The following VCPIP1 variants were observed in gnomAD, a reference collection of about 807,000 sequenced individuals.
VCPIP1 encodes the protein deubiquitinating protein VCPIP1.
A neutral mutation model predicts 85.0 loss-of-function variants in VCPIP1; 8 were observed. The observed-to-expected ratio is 0.09, with a 90% CI of 0.06 to 0.17. The LOEUF is 0.17. VCPIP1 is among the 10% of genes least tolerant of loss of function. The pLI is 1.00. For missense variants in VCPIP1, 1,070 were observed against 1,486.3 expected (o/e 0.72, Z 4.61); for synonymous variants, 543 against 544.5 (o/e 1.00, Z 0.04).
intron 2 of VCPIP1, among the ~76,000 whole-genome samples, chr8:66,643,884 CAAAAAAA>C (rs35921029): frequency 1.4e-5 from 1 of 70,512 alleles, no homozygotes; most frequent in East Asian, 5.4e-4. Context: ...AATGGACAGC[CAAAAAAA>C]AAAAAAAAAA....
intron 2 of VCPIP1, among the ~76,000 whole-genome samples, chr8:66,647,757 A>G (rs1811010847): frequency 6.6e-6 from 1 of 152,164 alleles, no homozygotes; most frequent in Admixed American, 6.5e-5. Flanking sequence ...TGCTGGAACA[A>G]CTGGTCATCC....
intron 2 of VCPIP1, among the ~76,000 whole-genome samples, chr8:66,647,256 G>A (rs1368751548): frequency 1.3e-5 from 2 of 149,652 alleles, no homozygotes; most frequent in African/African-American, 4.9e-5. Context: ...CAGGAGAATG[G>A]CTTGAATCTG....
chr8:66,665,765 A>G lies in VCPIP1; in HGVS notation c.1194T>C (p.Val398=). 1 of 1,614,172 alleles carries G rather than the reference A, an allele frequency of 6.2e-7. No individual in the cohort carries two copies. The stretch of plus-strand genomic sequence containing the variant: ...CTTGCAAACTTCTGTCACCTCCAAT[A>G]ACACAACCACCATCCTCTTCAAGTT... ...YIKLEEDGGC[V]IGGDRSLQDK... Residue 398 remains valine, a synonymous_variant, in exon 1 of 3, where the codon GTT becomes GTC. Transcript: ENST00000310421. The surrounding 1 kb of genome is among the most constrained non-coding windows in gnomAD (Gnocchi z 4.3).
chr8:66,662,478 T>G (rs1049034827), intron 1 of VCPIP1, among the ~76,000 whole-genome samples: 2 of 152,196 alleles, frequency 1.3e-5, no homozygotes, highest in African/African-American at 4.8e-5. Context: ...AGCCTTTCTT[T>G]AGCTGTGTTA....
chr8:66,665,597 T>A lies in VCPIP1; in HGVS notation c.1362A>T (p.Thr454=), dbSNP rs768906881. The A allele has an allele frequency of 6.2e-7, 1 of 1,614,088 alleles. No individual in the cohort carries two copies. The highest frequency in any genetic ancestry group is 1.7e-5 in the Admixed American group (1 of 59,998). The part of the protein sequence containing the change: ...GVIGVQPEEV[T]AAAKKAVMDN... ...CCATTACTGCTTTTTTAGCAGCTGC[T>A]GTGACTTCCTCAGGCTGAACTCCTA... Residue 454 remains threonine (T), a synonymous_variant, in exon 1 of 3, where the codon ACA becomes ACT. Transcript: ENST00000310421. The surrounding 1 kb of genome is among the most constrained non-coding windows in gnomAD (Gnocchi z 4.3).
chr8:66,640,740 C>T (rs747438481), intron 2 of VCPIP1, among the ~76,000 whole-genome samples: 1 of 152,062 alleles, frequency 6.6e-6, no homozygotes, highest in Non-Finnish European at 1.5e-5. Flanking sequence ...AGAGTTTGGC[C>T]GGGGACAGCT....
At position 66,663,048 on chromosome 8, in the gene VCPIP1, T is replaced by A. The variant is rs566496410; in HGVS notation, c.2710+1201A>T. 1.1e-4 allele frequency among the ~76,000 whole-genome samples: 16 copies of A among 145,216 alleles called. No individual in the cohort carries two copies. In the South Asian group the frequency reaches 1.3e-3, roughly 12 times the overall value. On this transcript the variant is annotated intron_variant, in intron 1 of 2. Transcript: ENST00000310421. ...TGAACCCGGGAGGTGGAGTTTGCAG[T>A]GAGCCGAGATGGCGCCACTGCACTC...
At chr8:66,661,820 G>T (rs1281049476) in intron 1 of VCPIP1, among the ~76,000 whole-genome samples, 7 of 148,098 alleles carry the variant, frequency 4.7e-5, no homozygotes, top group African/African-American at 1.5e-4. Flanking sequence ...ATGGAGTGCA[G>T]TGGCACGATC....
Position 66,632,947 on chromosome 8 carries a change from T to C in VCPIP1, c.*1554A>G, listed in dbSNP as rs554270801. 2 of 152,210 alleles carry C rather than the reference T, an allele frequency of 1.3e-5. No individual in the cohort carries two copies. The highest frequency in any genetic ancestry group is 3.9e-4 in the East Asian group (2 of 5,192). 9.4% of individuals were successfully genotyped at this position (152,210 alleles called of 1,614,324 possible). A position where few individuals can be genotyped will look rare whatever the true frequency, so the allele number is the denominator to read the frequency against. On this transcript the variant is annotated 3_prime_UTR_variant, in exon 3 of 3. Coordinates refer to ENST00000310421, the MANE Select transcript of VCPIP1 (RefSeq NM_025054.5). ...GATAAAAACTAACCCAAATATATAT[T>C]TTGCTCAGATACACCTGTAAAATGT...
intron 2 of VCPIP1, among the ~76,000 whole-genome samples, chr8:66,641,231 T>G (rs534306115): frequency 5.9e-5 from 9 of 152,216 alleles, no homozygotes; most frequent in Non-Finnish European, 1.2e-4. Context: ...CTATCCCGTT[T>G]CAACTCCAGA....
At chr8:66,652,368 C>T (rs1376013734) in intron 1 of VCPIP1, among the ~76,000 whole-genome samples, 3 of 152,168 alleles carry the variant, frequency 2.0e-5, no homozygotes, top group Non-Finnish European at 4.4e-5. Context: ...AATCCCAGCA[C>T]TTTGGGAGGC....
chr8:66,664,541 T>C lies in VCPIP1; in HGVS notation c.2418A>G (p.Arg806=). Residue 806 remains arginine (R), a synonymous_variant, in exon 1 of 3, where the codon AGA becomes AGG. Transcript: ENST00000310421. ...TFFELQESIA[R]EFNIPPYLQC... ...GTAAATATGGAGGAATGTTGAATTC[T>C]CTGGCTATACTTTCCTGAAGTTCAA... 6.2e-7 allele frequency: 1 copy of C among 1,614,220 alleles called. No homozygotes were observed. The highest frequency in any genetic ancestry group is 8.5e-7 in the Non-Finnish European group (1 of 1,180,042).
rs1226596626 is a variant in VCPIP1, at chr8:66,632,912, G to A, written c.*1589C>T. 2.6e-5 allele frequency: 4 copies of A among 152,078 alleles called. No individual in the cohort carries two copies. The highest frequency in any genetic ancestry group is 4.1e-4 in the South Asian group (2 of 4,834). 9.4% of individuals were successfully genotyped at this position (152,078 alleles called of 1,614,324 possible). On this transcript the variant is annotated 3_prime_UTR_variant, in exon 3 of 3. Coordinates refer to ENST00000310421, the MANE Select transcript of VCPIP1 (RefSeq NM_025054.5). ...ATGAAGATAAAATATAAAGACAAAC[G>A]TGATAATGTGATAAAAACTAACCCA... is the stretch of plus-strand genomic sequence containing the variant.
Position 66,634,318 on chromosome 8 carries a change from T to C in VCPIP1, c.*183A>G. On this transcript the variant is annotated 3_prime_UTR_variant, in exon 3 of 3. Transcript: ENST00000310421. The stretch of plus-strand genomic sequence containing the variant: ...AATTTATAGAAATTCAGAGCCAGCC[T>C]GGGCAGCAGTATATTAAAAGCTATG... The C allele has an allele frequency of 5.4e-6, 3 of 560,730 alleles. No individual in the cohort carries two copies. The highest frequency in any genetic ancestry group is 8.4e-6 in the Non-Finnish European group (3 of 356,004). The allele number at this position is 560,730 out of a possible 1,614,324, so 34.7% of individuals were successfully genotyped here.
In VCPIP1 at chr8:66,632,691, C is replaced by T. The variant is rs1810846305; in HGVS notation, c.*1810G>A. ...TATTTAAATCCCCCCAAAAAAAGTT[C>T]CAGTGGCTGAAAAAGCCAAAAATAA... On this transcript the variant is annotated 3_prime_UTR_variant, in exon 3 of 3. Transcript: ENST00000310421. The T allele has an allele frequency of 1.3e-5, 2 of 152,024 alleles. No homozygotes were observed. 9.4% of individuals were successfully genotyped at this position (152,024 alleles called of 1,614,324 possible).
Position 66,649,377 on chromosome 8 carries a change from T to A in VCPIP1, c.2797+2081A>T, listed in dbSNP as rs112794736. Among the ~76,000 whole-genome samples, 1,334 of 152,056 alleles carry A rather than the reference T, an allele frequency of 8.8e-3. 21 individuals are homozygous for A. The highest frequency in any genetic ancestry group is 0.03 in the African/African-American group (1,224 of 41,490). On this transcript the variant is annotated intron_variant, in intron 2 of 2. Transcript: ENST00000310421. ...AATACAAAAAATTAGCTGGGCATGG[T>A]GGCACATGGCTGTGGTCCCAGCTAC...
At chr8:66,660,229 C>A (rs370456049) in intron 1 of VCPIP1, among the ~76,000 whole-genome samples, 1 of 152,174 alleles carries the variant, frequency 6.6e-6, no homozygotes. Context: ...CAAGCATTTA[C>A]TTGGTACCTA....
Position 66,634,533 on chromosome 8 carries a change from T to A in VCPIP1, c.3637A>T (p.Thr1213Ser). 1 of 1,609,614 alleles carries A rather than the reference T, an allele frequency of 6.2e-7. No homozygotes were observed. The highest frequency in any genetic ancestry group is 8.5e-7 in the Non-Finnish European group (1 of 1,178,094). Residue 1213 changes from threonine to serine, a missense_variant, in exon 3 of 3, where the codon ACT becomes TCT. By Grantham distance (58) the Thr-to-Ser change is moderately conservative. Transcript: ENST00000310421. ...TGATCCATTGGCTCAGTTGTGTTAG[T>A]CATCTCAGCATCTTGACTATCCATC... ...EEMDSQDAEM[T>S]NTTEPMDHS
At position 66,666,806 on chromosome 8, in the gene VCPIP1, A is replaced by G. The variant is rs1563573632; in HGVS notation, c.153T>C (p.Asp51=). 1 of 1,613,960 alleles carries G rather than the reference A, an allele frequency of 6.2e-7. No individual in the cohort carries two copies. The highest frequency in any genetic ancestry group is 1.1e-5 in the South Asian group (1 of 91,068). The part of the protein sequence containing the change: ...DRRILSGSCP[D]PKCQARLFFP... ...AAAATAGACGCGCCTGACACTTCGG[A>G]TCCGGGCAGCTCCCGGAAAGGATTC... is the stretch of plus-strand genomic sequence containing the variant. Residue 51 remains aspartate (D), a synonymous_variant, in exon 1 of 3, where the codon GAT becomes GAC. Coordinates refer to ENST00000310421, the MANE Select transcript of VCPIP1 (RefSeq NM_025054.5). The surrounding 1 kb of genome is among the most constrained non-coding windows in gnomAD (Gnocchi z 6.3).
Sources: gnomAD v4.1 joint callset for allele counts (sites outside exome capture counted in the v4.1 genomes callset) on GRCh38, gnomAD v4.1.1 for gene constraint, Gnocchi (gnomAD v3.1) non-coding constraint, MANE v1.5 for transcripts, NCBI Gene and HGNC (gene_info 2026-07-23, HGNC 2026-07-21) for gene names.